ZNF682: variants seen among roughly 807,000 people sequenced by gnomAD.
The protein encoded by ZNF682 is zinc finger protein 682.
ZNF682 carries 29 observed loss-of-function variants against 36.5 expected under a neutral mutation model. The observed-to-expected ratio is 0.80, with a 90% CI of 0.59 to 1.08. The LOEUF (loss-of-function observed/expected upper bound fraction) is 1.08. ZNF682 is among the 50% of genes least tolerant of loss of function. The pLI is 0.00. For synonymous variants in ZNF682, 180 were observed against 197.0 expected (o/e 0.91, Z 0.72); for missense variants, 561 against 579.7 (o/e 0.97, Z 0.33).
At chr19:20,003,244 T>C (rs2088182980), downstream of ZNF682, among the ~76,000 whole-genome samples, 1 of 138,920 alleles carries the variant, frequency 7.2e-6, no homozygotes. Context: ...AAAGGAAAGA[T>C]TGGCTTAGAG....
intron 1 of ZNF682, among the ~76,000 whole-genome samples, chr19:20,035,427 T>C (rs887414641): frequency 6.6e-6 from 1 of 152,064 alleles, no homozygotes; most frequent in African/African-American, 2.4e-5. Flanking sequence ...GGTTTCACCA[T>C]GGTGGCCAGG....
intron 3 of ZNF682, among the ~76,000 whole-genome samples, chr19:20,018,277 T>C (rs1461870428): frequency 6.6e-6 from 1 of 151,272 alleles, no homozygotes; most frequent in Non-Finnish European, 1.5e-5. Flanking sequence ...GTATTTTTAG[T>C]AGAGACGGGG....
At position 20,039,315 on chromosome 19, in the gene ZNF682, C is replaced by T. The variant is rs766657210; in HGVS notation, c.3+28G>A. The T allele has an allele frequency of 1.9e-6, 3 of 1,611,754 alleles. No individual in the cohort carries two copies. In the South Asian group the frequency reaches 3.3e-5, roughly 18 times the overall value. ...CGGTTTCAACCAGCCCTGCCCCCAC[C>T]TCGGGATGCGCGGCCTGGCACACTC... On this transcript the variant is annotated intron_variant, in intron 1 of 3. Transcript: ENST00000397165.
chr19:20,015,512 A>G (rs1030866909), intron 3 of ZNF682: 1 of 770,514 alleles, frequency 1.3e-6, no homozygotes, highest in Non-Finnish European at 1.6e-6. Flanking sequence ...GGCCTATTAT[A>G]AAAACTGTAA....
intron 3 of ZNF682, among the ~76,000 whole-genome samples, chr19:20,008,556 C>A (rs2088251695): frequency 1.3e-5 from 2 of 152,188 alleles, no homozygotes; most frequent in South Asian, 4.1e-4. Context: ...AAACGACTCA[C>A]AGACACATTC....
At position 20,005,831 on chromosome 19, in the gene ZNF682, A is replaced by T. The variant is rs150453306; in HGVS notation, c.*174T>A. 7.1e-5 allele frequency: 46 copies of T among 645,150 alleles called. No individual in the cohort carries two copies. The highest frequency in any genetic ancestry group is 2.3e-4 in the Admixed American group (7 of 30,386). The allele number at this position is 645,150 out of a possible 1,614,324, so 40.0% of individuals were successfully genotyped here. On this transcript the variant is annotated 3_prime_UTR_variant, in exon 4 of 4. Transcript: ENST00000397165. ...TAAAATCAGAATTTTTCTCAGCATG[A>T]ATTTTCTTCTGTGCAATAAGCTGTC...
chr19:20,015,793 T>C (rs2088329464), intron 3 of ZNF682: 1 of 398,010 alleles, frequency 2.5e-6, no homozygotes, highest in Non-Finnish European at 4.4e-6. Context: ...GGGAAACTTA[T>C]TAATATGTTG....
chr19:20,038,153 A>G (rs796136760), intron 1 of ZNF682, among the ~76,000 whole-genome samples: 7 of 152,148 alleles, frequency 4.6e-5, no homozygotes, highest in African/African-American at 1.7e-4. Flanking sequence ...ACATTCTGAT[A>G]AGGTGTCTGT....
In ZNF682 at chr19:20,005,855, T is replaced by C. The variant is rs2088210009; in HGVS notation, c.*150A>G. On this transcript the variant is annotated 3_prime_UTR_variant, in exon 4 of 4. Transcript: ENST00000397165. Reference sequence around the variant, plus strand: ...GAATTTTCTTCTGTGCAATAAGCTGTCAGCAATGGTTGAAGACTTTCCCCA... The same window carrying C: ...GAATTTTCTTCTGTGCAATAAGCTGCCAGCAATGGTTGAAGACTTTCCCCA... 2 of 783,324 alleles carry C rather than the reference T, an allele frequency of 2.6e-6. No homozygotes were observed. The highest frequency in any genetic ancestry group is 3.9e-6 in the Non-Finnish European group (2 of 506,812). The allele number at this position is 783,324 out of a possible 1,614,324, so 48.5% of individuals were successfully genotyped here.
rs932602187 is a variant in ZNF682 at position 20,017,475 on chromosome 19, T to C, written c.226+5529A>G. ...ACAAAAGATAAAGATTGGTATTATA[T>C]AATGGCAAAATGGATCCATTTACCG... On this transcript the variant is annotated intron_variant, in intron 3 of 3. Transcript: ENST00000397165. Among the ~76,000 whole-genome samples, 11 of 152,170 alleles carry C rather than the reference T, an allele frequency of 7.2e-5. No individual in the cohort carries two copies. The East Asian group carries it at 1.2e-3, about 16-fold the overall frequency.
At chr19:20,008,507 G>A (rs2088251086) in intron 3 of ZNF682, among the ~76,000 whole-genome samples, 1 of 152,164 alleles carries the variant, frequency 6.6e-6, no homozygotes. Context: ...TGGTGCAATT[G>A]CCCTGCCTGG....
downstream of ZNF682, among the ~76,000 whole-genome samples, chr19:19,996,183 T>C (rs75256511): frequency 0.063 from 9,629 of 152,278 alleles, 505 homozygotes; most frequent in East Asian, 0.19. Flanking sequence ...CCCATCCCAC[T>C]CCAATATTTC....
chr19:20,015,375 T>C, intron 3 of ZNF682: 2 of 984,648 alleles, frequency 2.0e-6, no homozygotes, highest in Non-Finnish European at 1.2e-6. Flanking sequence ...ATTAAATTGG[T>C]AATAAACATA....
chr19:20,007,344 C>A, intron 3 of ZNF682, 69 bp from the exon 4 acceptor site: 2 of 1,372,708 alleles, frequency 1.5e-6, no homozygotes, highest in South Asian at 3.1e-5. Context: ...CTTTACAAAT[C>A]TAATACAGAA....
intron 1 of ZNF682, among the ~76,000 whole-genome samples, chr19:20,039,020 C>T (rs1224679181): frequency 1.3e-5 from 2 of 152,254 alleles, no homozygotes; most frequent in Non-Finnish European, 1.5e-5. Flanking sequence ...ACAAACCACA[C>T]ACGGGGTCTG....
At chr19:20,015,191 T>C in intron 3 of ZNF682, 12 of 985,228 alleles carry the variant, frequency 1.2e-5, no homozygotes, top group Non-Finnish European at 1.4e-5. Flanking sequence ...ATCACAAGTG[T>C]TTCTCTCACA....
chr19:20,027,470 A>T (rs1267914859), intron 1 of ZNF682, among the ~76,000 whole-genome samples: 1 of 152,230 alleles, frequency 6.6e-6, no homozygotes, highest in Non-Finnish European at 1.5e-5. Flanking sequence ...TTTAAAACAA[A>T]GCCTGGGGGC....
intron 3 of ZNF682, chr19:20,007,805 G>A (rs1207664194): frequency 6.4e-6 from 1 of 155,066 alleles, no homozygotes; most frequent in Non-Finnish European, 1.4e-5. Flanking sequence ...AGTTTTCACT[G>A]TGCTGTGCAG....
chr19:20,012,629 A>G (rs2088299566), intron 3 of ZNF682, among the ~76,000 whole-genome samples: 1 of 151,882 alleles, frequency 6.6e-6, no homozygotes, highest in South Asian at 2.1e-4. Flanking sequence ...TTAGTGGGGC[A>G]TGGTGGCGGG....
Sources: gnomAD v4.1 joint callset for allele counts (sites outside exome capture counted in the v4.1 genomes callset) on GRCh38, gnomAD v4.1.1 for gene constraint, MANE v1.5 for transcripts, NCBI Gene and HGNC (gene_info 2026-07-23, HGNC 2026-07-21) for gene names.